CHN1: variants seen among roughly 807,000 people sequenced by gnomAD.
CHN1 encodes the protein chimerin 1.
In CHN1, 37 loss-of-function variants were observed where a neutral mutation model predicts 59.5. That is an observed-to-expected ratio of 0.62 (90% confidence interval 0.48 to 0.82). CHN1 has a LOEUF of 0.82. Ranked by LOEUF, CHN1 falls within the 40% of genes least tolerant of loss-of-function variation. CHN1 has a pLI of 0.00. For missense variants in CHN1, 469 were observed against 571.0 expected (o/e 0.82, Z 1.82); for synonymous variants, 206 against 200.4 (o/e 1.03, Z -0.24).
intron 3 of CHN1, among the ~76,000 whole-genome samples, chr2:174,927,459 G>T (rs973824332): frequency 6.6e-6 from 1 of 152,100 alleles, no homozygotes; most frequent in Non-Finnish European, 1.5e-5. Flanking sequence ...GACAATAAAA[G>T]CTTTTTTAAT....
At chr2:175,002,645 CACTA>C in intron 1 of CHN1, among the ~76,000 whole-genome samples, 1 of 152,266 alleles carries the variant, frequency 6.6e-6, no homozygotes, top group Non-Finnish European at 1.5e-5. Context: ...TGCTGGACTG[CACTA>C]ACTAATCAAC....
rs539001023 is a variant in CHN1 at position 174,962,663 on chromosome 2, CGGGGGGGGGGGGG to C, written c.20-10474_20-10462del. ...TGCAATCCCAGCACTTTGGAAGGCC[CGGGGGGGGGGGGG>C]GGGGGGGCAGATCACCTGAGGTCAG... On this transcript the variant is annotated intron_variant, in intron 1 of 12. Coordinates refer to ENST00000409900, the MANE Select transcript of CHN1 (RefSeq NM_001822.7). Among the ~76,000 whole-genome samples, 33 of 18,062 alleles carry C rather than the reference CGGGGGGGGGGGGG, an allele frequency of 1.8e-3. 5 individuals are homozygous for C. The highest frequency in any genetic ancestry group is 0.016 in the East Asian group (7 of 432). The allele number at this position is 18,062 out of a possible 152,430, so 11.8% of individuals were successfully genotyped here. A position where few individuals can be genotyped will look rare whatever the true frequency, so the allele number is the denominator to read the frequency against.
chr2:174,810,260 G>A (rs1456427569), intron 10 of CHN1, among the ~76,000 whole-genome samples: 1 of 152,142 alleles, frequency 6.6e-6, no homozygotes, highest in Admixed American at 6.5e-5. Context: ...AAAATCCTTT[G>A]CATCATTACT....
intron 5 of CHN1, among the ~76,000 whole-genome samples, chr2:174,879,938 C>A (rs1308115722): frequency 2.0e-5 from 3 of 152,126 alleles, no homozygotes; most frequent in African/African-American, 7.2e-5. Flanking sequence ...AAGATGGCTG[C>A]ACTGGGAATG....
intron 7 of CHN1, among the ~76,000 whole-genome samples, chr2:174,839,636 C>A (rs1686217919): frequency 6.7e-6 from 1 of 148,504 alleles, no homozygotes. Context: ...TAGGGTCTTG[C>A]TCTATCGTCC....
intron 11 of CHN1, among the ~76,000 whole-genome samples, chr2:174,803,158 A>G (rs779438404): frequency 7.6e-4 from 116 of 152,254 alleles, no homozygotes; most frequent in Admixed American, 1.7e-3. Context: ...CAGAATGCAC[A>G]AGATAAAAAA....
Position 174,905,556 on chromosome 2 carries a change from T to TA in CHN1, c.260+9501dup, listed in dbSNP as rs201230011. Among the ~76,000 whole-genome samples, 267 of 151,524 alleles carry TA rather than the reference T, an allele frequency of 1.8e-3. 1 individual carries two copies. Among genetic ancestry groups the TA allele is most frequent in the African/African-American group, 6.1e-3 (250 of 41,304 alleles). On this transcript the variant is annotated intron_variant, in intron 5 of 12. Coordinates refer to ENST00000409900, the MANE Select transcript of CHN1 (RefSeq NM_001822.7). ...TAGTGAATAAAAACCATGCTGAGGATAAAAAAAAATTTTTTTTTTTTTCTC... is the reference window on the plus strand; with the variant it reads ...TAGTGAATAAAAACCATGCTGAGGATAAAAAAAAAATTTTTTTTTTTTTCTC...
At chr2:174,909,177 GT>G (rs1189925311) in intron 5 of CHN1, among the ~76,000 whole-genome samples, 1 of 152,110 alleles carries the variant, frequency 6.6e-6, no homozygotes, top group East Asian at 1.9e-4. Flanking sequence ...TACACCATGG[GT>G]TGATCTGCCT....
intron 7 of CHN1, among the ~76,000 whole-genome samples, chr2:174,845,733 A>G (rs903813067): frequency 1.4e-5 from 2 of 143,164 alleles, no homozygotes; most frequent in Non-Finnish European, 3.0e-5. Context: ...AATGATCTGA[A>G]GATCACAAAA....
At chr2:174,806,957 C>T (rs376434594) in intron 11 of CHN1, among the ~76,000 whole-genome samples, 5 of 152,180 alleles carry the variant, frequency 3.3e-5, no homozygotes, top group African/African-American at 1.2e-4. Flanking sequence ...ATAAATCAGA[C>T]ATCCAAATAA....
intron 1 of CHN1, among the ~76,000 whole-genome samples, chr2:174,955,624 A>T (rs1153725): frequency 0.47 from 70,726 of 151,708 alleles, 17,332 homozygotes; most frequent in African/African-American, 0.6. Flanking sequence ...AAAAATCTAT[A>T]GAAATAAATA....
At chr2:174,816,019 G>A (rs550002760) in intron 8 of CHN1, among the ~76,000 whole-genome samples, 16 of 152,276 alleles carry the variant, frequency 1.1e-4, no homozygotes, top group African/African-American at 3.9e-4. Context: ...CTGGGTGGGA[G>A]GGAGAGGTAT....
chr2:174,962,599 AT>A (rs1349411387), intron 1 of CHN1, among the ~76,000 whole-genome samples: 1 of 139,400 alleles, frequency 7.2e-6, no homozygotes, highest in East Asian at 2.2e-4. Flanking sequence ...TGCTTAAAAT[AT>A]CTTTATCATG....
intron 5 of CHN1, among the ~76,000 whole-genome samples, chr2:174,886,505 T>C (rs1574128013): frequency 6.6e-6 from 1 of 152,242 alleles, no homozygotes; most frequent in East Asian, 1.9e-4. Flanking sequence ...TTTTATCCAC[T>C]GTAAGCTTGG....
In CHN1 at chr2:174,923,410, G is replaced by A. The variant is rs183573431; in HGVS notation, c.115-4845C>T. ...CCACCTCGGCCTCCCAAAGTGCTGG[G>A]ATTACAGGCGTGAGCCACTGCACCC... On this transcript the variant is annotated intron_variant, in intron 3 of 12. Transcript: ENST00000409900. 4.4e-3 allele frequency among the ~76,000 whole-genome samples: 676 copies of A among 152,278 alleles called. 6 individuals are homozygous for A. The highest frequency in any genetic ancestry group is 0.015 in the African/African-American group (638 of 41,564).
chr2:174,949,723 T>C (rs1256911482), intron 2 of CHN1, among the ~76,000 whole-genome samples: 1 of 152,168 alleles, frequency 6.6e-6, no homozygotes, highest in African/African-American at 2.4e-5. Context: ...CTTGGAAGAT[T>C]AATATCATAA....
intron 12 of CHN1, among the ~76,000 whole-genome samples, chr2:174,801,280 T>G (rs1268297905): frequency 6.6e-6 from 1 of 152,174 alleles, no homozygotes; most frequent in Non-Finnish European, 1.5e-5. Flanking sequence ...TAATCGAAAA[T>G]CCTGTCACCA....
intron 3 of CHN1, chr2:174,920,864 T>C (rs373242113): frequency 8.1e-5 from 31 of 381,186 alleles, no homozygotes; most frequent in African/African-American, 4.5e-4. Context: ...CACCATAATG[T>C]AGAATCAGTA....
intron 3 of CHN1, among the ~76,000 whole-genome samples, chr2:174,935,401 G>A (rs979944985): frequency 1.2e-4 from 18 of 152,164 alleles, no homozygotes; most frequent in African/African-American, 4.1e-4. Context: ...ACAGATATAG[G>A]TATTAATGCA....
Sources: gnomAD v4.1 joint callset for allele counts (sites outside exome capture counted in the v4.1 genomes callset) on GRCh38, gnomAD v4.1.1 for gene constraint, MANE v1.5 for transcripts, NCBI Gene and HGNC (gene_info 2026-07-23, HGNC 2026-07-21) for gene names.